The following DHRS13 variants were observed in gnomAD, a reference collection of about 807,000 sequenced individuals.
DHRS13 encodes dehydrogenase/reductase SDR family member 13.
DHRS13 carries 22 observed loss-of-function variants against 17.9 expected under a neutral mutation model. The observed-to-expected ratio is 1.23, with a 90% CI of 0.88 to 1.75. The LOEUF (loss-of-function observed/expected upper bound fraction) is 1.75. Among genes scored for constraint, DHRS13 ranks in the 40% most tolerant of loss-of-function variants. The pLI, the probability that DHRS13 is intolerant of heterozygous loss-of-function variation, is 0.00. For synonymous variants in DHRS13, 206 were observed against 220.4 expected, an observed-to-expected ratio of 0.93 and a Z score of 0.58; for missense variants, 483 against 519.9, an observed-to-expected ratio of 0.93 and a Z score of 0.69.
In DHRS13 at chr17:28,901,127, C is replaced by T. The variant is rs762534265; in HGVS notation, c.545G>A (p.Arg182His). ...CCAGCCCACCACTGGGCGGTCCAGG[C>T]GTTTGAAGTCAAGACGTCCCCGACA... ...AHCRGRLDFK[R>H]LDRPVVGWRQ... The change falls in exon 4 of 5, where the codon CGC (arginine) becomes CAC (histidine). Residue 182 changes from arginine (R) to histidine (H), a missense_variant. Transcript: ENST00000378895. This position sits in a 1 kb window ranked among gnomAD's most constrained non-coding sequence, Gnocchi z 4.3. The T allele has an allele frequency of 1.7e-5, 27 of 1,614,072 alleles. No individual in the cohort carries two copies. The highest frequency in any genetic ancestry group is 8.0e-5 in the African/African-American group (6 of 74,936).
In DHRS13 at chr17:28,903,047, G is replaced by A; in HGVS notation, c.-103C>T. 2.8e-6 allele frequency: 3 copies of A among 1,074,294 alleles called. No homozygotes were observed. Among genetic ancestry groups the A allele is most frequent in the South Asian group, 3.9e-5 (1 of 25,398 alleles). The allele number at this position is 1,074,294 out of a possible 1,614,324, so 66.5% of individuals were successfully genotyped here. A position where few individuals can be genotyped will look rare whatever the true frequency, so the allele number is the denominator to read the frequency against. The stretch of plus-strand genomic sequence containing the variant: ...CACAGGCCTGGAACGGCGCCCGGGC[G>A]CGTCAGCCTCCGAAGGCGGAGGCGG... On this transcript the variant is annotated 5_prime_UTR_variant, in exon 1 of 5. Coordinates refer to ENST00000378895, the MANE Select transcript of DHRS13 (RefSeq NM_144683.4). The surrounding 1 kb of genome is among the most constrained non-coding windows in gnomAD (Gnocchi z 4.8).
rs1486052626 is a variant in DHRS13, at chr17:28,898,128, C to G, written c.*313G>C. On this transcript the variant is annotated 3_prime_UTR_variant, in exon 5 of 5. Transcript: ENST00000378895. ...TTGGCAGTGCATCACATTGCAAACT[C>G]CCTGCCTCTGCTCCAGAGCTGATCA... 5.3e-6 allele frequency: 2 copies of G among 379,890 alleles called. No homozygotes were observed. Among genetic ancestry groups the G allele is most frequent in the East Asian group, 6.1e-5 (1 of 16,508 alleles). The allele number at this position is 379,890 out of a possible 1,614,324, so 23.5% of individuals were successfully genotyped here. A position where few individuals can be genotyped will look rare whatever the true frequency, so the allele number is the denominator to read the frequency against.
In DHRS13 at chr17:28,902,215, A is replaced by T. The variant is rs1360117513; in HGVS notation, c.246+368T>A. The T allele has an allele frequency of 5.4e-6, 1 of 184,954 alleles. No individual in the cohort carries two copies. Among genetic ancestry groups the T allele is most frequent in the African/African-American group, 2.4e-5 (1 of 42,276 alleles). 11.5% of individuals were successfully genotyped at this position (184,954 alleles called of 1,614,324 possible). The stretch of plus-strand genomic sequence containing the variant: ...CCCCTCATTTGCCCATCTTCCTCAT[A>T]CTTTGTGCTCCAGCCTCATTAAATC... On this transcript the variant is annotated intron_variant, in intron 2 of 4. Transcript: ENST00000378895. This position sits in a 1 kb window ranked among gnomAD's most constrained non-coding sequence, Gnocchi z 4.0.
Position 28,901,793 on chromosome 17 carries a change from G to C in DHRS13, c.247-177C>G. ...CTGACTTTGCCTTTTACTAAAGTGT[G>C]ACCTTGGGCAAGATACTTAATCTCT... On this transcript the variant is annotated intron_variant, in intron 2 of 4. Transcript: ENST00000378895. This position sits in a 1 kb window ranked among gnomAD's most constrained non-coding sequence, Gnocchi z 4.3. 1 of 1,043,330 alleles carries C rather than the reference G, an allele frequency of 9.6e-7. No homozygotes were observed. Among genetic ancestry groups the C allele is most frequent in the Non-Finnish European group, 1.3e-6 (1 of 745,248 alleles). The allele number at this position is 1,043,330 out of a possible 1,614,324, so 64.6% of individuals were successfully genotyped here. A position where few individuals can be genotyped will look rare whatever the true frequency, so the allele number is the denominator to read the frequency against.
At chr17:28,900,497 G>A (rs1037036868) in intron 4 of DHRS13, among the ~76,000 whole-genome samples, 1 of 152,048 alleles carries the variant, frequency 6.6e-6, no homozygotes, top group Non-Finnish European at 1.5e-5. Context: ...TTTCCTCAGA[G>A]CACTCTATCA....
rs2039815983 is a variant in DHRS13 at position 28,902,666 on chromosome 17, C to A, written c.163G>T (p.Glu55Ter). The A allele has an allele frequency of 1.1e-5, 15 of 1,426,086 alleles. No homozygotes were observed. Among genetic ancestry groups the A allele is most frequent in the Admixed American group, 3.0e-5 (1 of 32,836 alleles). 88.3% of individuals were successfully genotyped at this position (1,426,086 alleles called of 1,614,324 possible). A position where few individuals can be genotyped will look rare whatever the true frequency, so the allele number is the denominator to read the frequency against. ...NSGIGKMTAL[E>*]LARRGARVVL... ...ACGCGCGCTCCCCGGCGCGCCAGCT[C>A]CAGCGCCGTCATCTTTCCGATGCCG... is the stretch of plus-strand genomic sequence containing the variant. The change falls in exon 2 of 5, where the codon GAG (glutamate) becomes TAG (stop). Residue 55 changes from glutamate (E) to a stop codon, truncating the protein, a stop_gained. Transcript: ENST00000378895. LOFTEE classifies it high-confidence loss of function. This position sits in a 1 kb window ranked among gnomAD's most constrained non-coding sequence, Gnocchi z 4.0.
chr17:28,899,103 C>G lies in DHRS13; in HGVS notation c.683-211G>C. ...GAAGAACAGGGACAGAATCTGGTTTCAAGGGAACCAGGATAGTATTTACCA... is the reference window on the plus strand; with the variant it reads ...GAAGAACAGGGACAGAATCTGGTTTGAAGGGAACCAGGATAGTATTTACCA... On this transcript the variant is annotated intron_variant, in intron 4 of 4. Coordinates refer to ENST00000378895, the MANE Select transcript of DHRS13 (RefSeq NM_144683.4). This position sits in a 1 kb window ranked among gnomAD's most constrained non-coding sequence, Gnocchi z 4.7. 1.9e-6 allele frequency: 1 copy of G among 530,254 alleles called. No individual in the cohort carries two copies. The highest frequency in any genetic ancestry group is 2.7e-5 in the South Asian group (1 of 37,562). The allele number at this position is 530,254 out of a possible 1,614,324, so 32.8% of individuals were successfully genotyped here. A position where few individuals can be genotyped will look rare whatever the true frequency, so the allele number is the denominator to read the frequency against.
At position 28,903,048 on chromosome 17, in the gene DHRS13, C is replaced by T; in HGVS notation, c.-104G>A. 9.5e-7 allele frequency: 1 copy of T among 1,051,834 alleles called. No individual in the cohort carries two copies. The highest frequency in any genetic ancestry group is 4.0e-5 in the South Asian group (1 of 24,774). The allele number at this position is 1,051,834 out of a possible 1,614,324, so 65.2% of individuals were successfully genotyped here. On this transcript the variant is annotated 5_prime_UTR_variant, in exon 1 of 5. Transcript: ENST00000378895. The surrounding 1 kb of genome is among the most constrained non-coding windows in gnomAD (Gnocchi z 4.8). ...ACAGGCCTGGAACGGCGCCCGGGCG[C>T]GTCAGCCTCCGAAGGCGGAGGCGGG... is the stretch of plus-strand genomic sequence containing the variant.
At position 28,903,042 on chromosome 17, in the gene DHRS13, C is replaced by T. The variant is rs2039820622; in HGVS notation, c.-98G>A. 4.5e-6 allele frequency: 5 copies of T among 1,110,624 alleles called. No homozygotes were observed. Among genetic ancestry groups the T allele is most frequent in the Non-Finnish European group, 5.7e-6 (5 of 880,776 alleles). The allele number at this position is 1,110,624 out of a possible 1,614,324, so 68.8% of individuals were successfully genotyped here. A position where few individuals can be genotyped will look rare whatever the true frequency, so the allele number is the denominator to read the frequency against. ...CCCTGCACAGGCCTGGAACGGCGCC[C>T]GGGCGCGTCAGCCTCCGAAGGCGGA... On this transcript the variant is annotated 5_prime_UTR_variant, in exon 1 of 5. Transcript: ENST00000378895. This position sits in a 1 kb window ranked among gnomAD's most constrained non-coding sequence, Gnocchi z 4.8.
Position 28,900,979 on chromosome 17 carries a change from C to T in DHRS13, c.682+11G>A. On this transcript the variant is annotated intron_variant, in intron 4 of 4. Transcript: ENST00000378895. ...GAGAGGGGAATCGGAAGCCAAAGAA[C>T]CAGACCTCACCTGGGTGGGCTGCAT... 4 of 1,573,386 alleles carry T rather than the reference C, an allele frequency of 2.5e-6. No homozygotes were observed. Among genetic ancestry groups the T allele is most frequent in the Non-Finnish European group, 3.5e-6 (4 of 1,155,712 alleles).
At position 28,901,230 on chromosome 17, in the gene DHRS13, G is replaced by C. The variant is rs2039802589; in HGVS notation, c.442C>G (p.Leu148Val). 2 of 1,614,106 alleles carry C rather than the reference G, an allele frequency of 1.2e-6. No homozygotes were observed. The highest frequency in any genetic ancestry group is 1.7e-6 in the Non-Finnish European group (2 of 1,180,036). Residue 148 changes from leucine (L) to valine (V), a missense_variant, in exon 4 of 5, where the codon CTG becomes GTG. Transcript: ENST00000378895. The surrounding 1 kb of genome is among the most constrained non-coding windows in gnomAD (Gnocchi z 4.3). ...CAAGGCAGCAGCAGATGTGTCAGCAGAAAGGGACCGATATGGTTCACCCGA... is the reference window on the plus strand; with the variant it reads ...CAAGGCAGCAGCAGATGTGTCAGCACAAAGGGACCGATATGGTTCACCCGA... The part of the protein sequence containing the change: ...LLRVNHIGPF[L>V]LTHLLLPCLK...
Position 28,901,746 on chromosome 17 carries a change from G to T in DHRS13, c.247-130C>A. ...TGCCCCTGTGTCTTAGAGTGTACTA[G>T]ATAAGTGTGTGGATTCAAATCCTGA... On this transcript the variant is annotated intron_variant, in intron 2 of 4. Transcript: ENST00000378895. This position sits in a 1 kb window ranked among gnomAD's most constrained non-coding sequence, Gnocchi z 4.3. The T allele has an allele frequency of 4.2e-6, 6 of 1,424,344 alleles. 1 individual carries two copies. The South Asian group carries it at 8.7e-5, about 21-fold the overall frequency. The allele number at this position is 1,424,344 out of a possible 1,614,324, so 88.2% of individuals were successfully genotyped here.
intron 4 of DHRS13, among the ~76,000 whole-genome samples, chr17:28,900,637 A>G: frequency 6.6e-6 from 1 of 152,176 alleles, no homozygotes; most frequent in East Asian, 1.9e-4. Context: ...CCTGATACAG[A>G]GTAGGTACTC....
Position 28,899,049 on chromosome 17 carries a change from A to C in DHRS13, c.683-157T>G, listed in dbSNP as rs1453109448. 3.2e-6 allele frequency: 2 copies of C among 629,742 alleles called. No homozygotes were observed. The highest frequency in any genetic ancestry group is 5.2e-6 in the Non-Finnish European group (2 of 386,936). The allele number at this position is 629,742 out of a possible 1,614,324, so 39.0% of individuals were successfully genotyped here. ...AAGCTCTGTCTCTTTAAAAAAAAAA[A>C]CAACAACAAAAAAAATAGAACAGAG... On this transcript the variant is annotated intron_variant, in intron 4 of 4. Transcript: ENST00000378895. The surrounding 1 kb of genome is among the most constrained non-coding windows in gnomAD (Gnocchi z 4.7).
In DHRS13 at chr17:28,903,079, G is replaced by A. The variant is rs571872239; in HGVS notation, c.-135C>T. On this transcript the variant is annotated 5_prime_UTR_variant, in exon 1 of 5. Coordinates refer to ENST00000378895, the MANE Select transcript of DHRS13 (RefSeq NM_144683.4). The surrounding 1 kb of genome is among the most constrained non-coding windows in gnomAD (Gnocchi z 4.8). The stretch of plus-strand genomic sequence containing the variant: ...CCTCCGAAGGCGGAGGCGGGCAGGA[G>A]GCTGGGCAGGGGCGTGTGCGCGTGC... The A allele has an allele frequency of 3.8e-6, 3 of 786,426 alleles. No homozygotes were observed. Among genetic ancestry groups the A allele is most frequent in the East Asian group, 4.1e-5 (1 of 24,526 alleles). 48.7% of individuals were successfully genotyped at this position (786,426 alleles called of 1,614,324 possible). A position where few individuals can be genotyped will look rare whatever the true frequency, so the allele number is the denominator to read the frequency against.
chr17:28,902,822 G>A lies in DHRS13; in HGVS notation c.123C>T (p.Val41=). 6.5e-7 allele frequency: 1 copy of A among 1,538,796 alleles called. No homozygotes were observed. Among genetic ancestry groups the A allele is most frequent in the South Asian group, 1.2e-5 (1 of 85,686 alleles). The change falls in exon 1 of 5, where the codon GTC becomes GTT. Residue 41 remains valine, a synonymous_variant. Coordinates refer to ENST00000378895, the MANE Select transcript of DHRS13 (RefSeq NM_144683.4). This position sits in a 1 kb window ranked among gnomAD's most constrained non-coding sequence, Gnocchi z 4.0. ...CTCACCCGCCTCCGCACTCACCCGTGACCACGGCCGTGCGGCCCCGCAGGT... is the reference window on the plus strand; with the variant it reads ...CTCACCCGCCTCCGCACTCACCCGTAACCACGGCCGTGCGGCCCCGCAGGT... ...MGNLRGRTAV[V]TGANSGIGKM... is the part of the protein sequence containing the mutation.
Position 28,898,335 on chromosome 17 carries a change from A to T in DHRS13, c.*106T>A. 7.5e-7 allele frequency: 1 copy of T among 1,335,196 alleles called. No homozygotes were observed. Among genetic ancestry groups the T allele is most frequent in the Non-Finnish European group, 1.0e-6 (1 of 981,590 alleles). The allele number at this position is 1,335,196 out of a possible 1,614,324, so 82.7% of individuals were successfully genotyped here. On this transcript the variant is annotated 3_prime_UTR_variant, in exon 5 of 5. Coordinates refer to ENST00000378895, the MANE Select transcript of DHRS13 (RefSeq NM_144683.4). ...CAGCTTGGGGCCCCAGAAAGTAACCACGGAGGTCAAGATCACAAACCCGTC... is the reference window on the plus strand; with the variant it reads ...CAGCTTGGGGCCCCAGAAAGTAACCTCGGAGGTCAAGATCACAAACCCGTC...
In DHRS13 at chr17:28,898,815, C is replaced by T; in HGVS notation, c.760G>A (p.Val254Met). 6.2e-7 allele frequency: 1 copy of T among 1,609,324 alleles called. No homozygotes were observed. Among genetic ancestry groups the T allele is most frequent in the Non-Finnish European group, 8.5e-7 (1 of 1,178,154 alleles). The change falls in exon 5 of 5, where the codon GTG (valine) becomes ATG (methionine). Residue 254 changes from valine (V) to methionine (M), a missense_variant. By Grantham distance (21) the Val-to-Met change is conservative. Coordinates refer to ENST00000378895, the MANE Select transcript of DHRS13 (RefSeq NM_144683.4). ...RPLLRPLAWL[V>M]LRAPRGGAQT... ...GCACCCCCTCTTGGTGCCCGGAGCA[C>T]CAGCCAAGCCAATGGGCGCAAAAGT...
In DHRS13 at chr17:28,901,659, T is replaced by C. The variant is rs1300087367; in HGVS notation, c.247-43A>G. On this transcript the variant is annotated intron_variant, in intron 2 of 4. Transcript: ENST00000378895. The surrounding 1 kb of genome is among the most constrained non-coding windows in gnomAD (Gnocchi z 4.3). The stretch of plus-strand genomic sequence containing the variant: ...CTGGGCTTGTCACCAGGCATCTCTC[T>C]CCTCTTCCCTCTCCCCAGGCACCAA... 1 of 1,607,006 alleles carries C rather than the reference T, an allele frequency of 6.2e-7. No homozygotes were observed. The highest frequency in any genetic ancestry group is 8.5e-7 in the Non-Finnish European group (1 of 1,174,976).
Sources: allele counts gnomAD v4.1 joint callset (sites outside exome capture counted in the v4.1 genomes callset), GRCh38; gene constraint gnomAD v4.1.1; non-coding constraint Gnocchi (gnomAD v3.1); transcripts MANE v1.5; gene names NCBI Gene and HGNC (gene_info 2026-07-23, HGNC 2026-07-21).